Variants in LAMA2 observed in about 807,000 individuals in gnomAD.
LAMA2 encodes the protein laminin subunit alpha 2.
In LAMA2, 269 loss-of-function variants were observed where a neutral mutation model predicts 364.8. That is an observed-to-expected ratio of 0.74 (90% confidence interval 0.67 to 0.82). The LOEUF (loss-of-function observed/expected upper bound fraction) is 0.82, where lower values mean the gene tolerates loss of function less well. Among genes scored for constraint, LAMA2 ranks in the 40% least tolerant of loss-of-function variants. The pLI is 0.00. For missense variants in LAMA2, 3,807 were observed against 3,873.2 expected (o/e 0.98, Z 0.45); for synonymous variants, 1,379 against 1,370.6 (o/e 1.01, Z -0.14).
At chr6:129,116,112 A>C (rs574957409) in intron 4 of LAMA2, among the ~76,000 whole-genome samples, 2 of 152,274 alleles carry the variant, frequency 1.3e-5, no homozygotes, top group African/African-American at 4.8e-5. Flanking sequence ...GACTAATGAC[A>C]TTATAAAAGC....
At chr6:128,990,520 T>C (rs1286894202) in intron 1 of LAMA2, among the ~76,000 whole-genome samples, 1 of 152,208 alleles carries the variant, frequency 6.6e-6, no homozygotes, top group Admixed American at 6.5e-5. Context: ...ATGGAAGCTC[T>C]TGGGTCACCA....
chr6:129,180,617 T>C (rs1478793), intron 10 of LAMA2, among the ~76,000 whole-genome samples: 49,469 of 151,994 alleles, frequency 0.33, 11,109 homozygotes, highest in African/African-American at 0.65. Flanking sequence ...GGCTGTATTA[T>C]TTTTCCTGTG....
At chr6:129,278,289 A>G (rs1215802910) in intron 17 of LAMA2, among the ~76,000 whole-genome samples, 1 of 152,226 alleles carries the variant, frequency 6.6e-6, no homozygotes, top group Non-Finnish European at 1.5e-5. Context: ...ATTTAGGATT[A>G]TAAAAAACAA....
chr6:129,461,104 C>A (rs1013617193), intron 49 of LAMA2, among the ~76,000 whole-genome samples: 2 of 151,984 alleles, frequency 1.3e-5, no homozygotes, highest in African/African-American at 2.4e-5. Context: ...CCACTTATCA[C>A]CCAAGCCTAA....
intron 4 of LAMA2, among the ~76,000 whole-genome samples, chr6:129,102,152 C>T (rs1374907189): frequency 1.4e-5 from 2 of 140,226 alleles, no homozygotes; most frequent in African/African-American, 5.4e-5. Flanking sequence ...TTTTTGAGAC[C>T]GAGTCTCGCT....
At chr6:129,506,503 T>C (rs1786086276) in intron 61 of LAMA2, among the ~76,000 whole-genome samples, 1 of 152,168 alleles carries the variant, frequency 6.6e-6, no homozygotes, top group South Asian at 2.1e-4. Flanking sequence ...GTGCAGTAGT[T>C]ACAGTACAGT....
chr6:129,513,490 C>T (rs182599980), intron 63 of LAMA2, among the ~76,000 whole-genome samples: 2 of 152,280 alleles, frequency 1.3e-5, no homozygotes, highest in Non-Finnish European at 1.5e-5. Context: ...GTTATGCAAA[C>T]TCCACCCAAT....
At chr6:129,507,148 C>T (rs1381499475) in intron 61 of LAMA2, among the ~76,000 whole-genome samples, 1 of 151,084 alleles carries the variant, frequency 6.6e-6, no homozygotes, top group African/African-American at 2.4e-5. Context: ...TTAATAGAAA[C>T]ATAAAATCAG....
chr6:128,923,671 T>C (rs969609883), intron 1 of LAMA2, among the ~76,000 whole-genome samples: 9 of 152,214 alleles, frequency 5.9e-5, no homozygotes, highest in African/African-American at 2.2e-4. Context: ...TGCTAATTCC[T>C]ATAAGAACAC....
At chr6:129,210,911 G>C (rs1783060397) in intron 12 of LAMA2, among the ~76,000 whole-genome samples, 1 of 152,068 alleles carries the variant, frequency 6.6e-6, no homozygotes, top group African/African-American at 2.4e-5. Flanking sequence ...AGAAGGTAGG[G>C]CTGGTGCTTG....
chr6:129,334,364 A>G (rs1775826912), intron 29 of LAMA2, among the ~76,000 whole-genome samples: 1 of 152,206 alleles, frequency 6.6e-6, no homozygotes, highest in Admixed American at 6.5e-5. Context: ...TAATGAAAAC[A>G]ATAATAGTGG....
chr6:129,104,757 G>T (rs1231703897), intron 4 of LAMA2, among the ~76,000 whole-genome samples: 2 of 152,056 alleles, frequency 1.3e-5, no homozygotes, highest in African/African-American at 4.8e-5. Context: ...TTCATGGTTT[G>T]GTTTGGCCCC....
At chr6:129,479,988 GAT>G (rs1784271325) in intron 54 of LAMA2, 1 of 152,148 alleles carries the variant, frequency 6.6e-6, no homozygotes, top group East Asian at 1.9e-4. Flanking sequence ...ACATTCAAAA[GAT>G]ATATACATGA....
intron 4 of LAMA2, among the ~76,000 whole-genome samples, chr6:129,130,856 G>A (rs1358363089): frequency 1.3e-5 from 2 of 152,142 alleles, no homozygotes; most frequent in Admixed American, 1.3e-4. Flanking sequence ...TTGGAAATAA[G>A]ATAATGGGAG....
chr6:129,061,316 C>T (rs1230004228), intron 3 of LAMA2, among the ~76,000 whole-genome samples: 1 of 152,130 alleles, frequency 6.6e-6, no homozygotes, highest in Non-Finnish European at 1.5e-5. Context: ...CTTTATTGTT[C>T]TGGTTTATTC....
At chr6:129,332,876 G>C (rs1775734745) in intron 29 of LAMA2, among the ~76,000 whole-genome samples, 1 of 127,780 alleles carries the variant, frequency 7.8e-6, no homozygotes, top group African/African-American at 2.9e-5. Context: ...TTATTGTTAA[G>C]TTTACCATTT....
chr6:129,253,680 C>T (rs563370944), intron 14 of LAMA2, among the ~76,000 whole-genome samples: 2 of 152,130 alleles, frequency 1.3e-5, no homozygotes, highest in South Asian at 2.1e-4. Context: ...ACCAAATTGA[C>T]AAAAAAAGTG....
chr6:129,375,733 C>T (rs1185193361), intron 34 of LAMA2, among the ~76,000 whole-genome samples: 1 of 152,294 alleles, frequency 6.6e-6, no homozygotes, highest in East Asian at 1.9e-4. Flanking sequence ...TTGCCATGTA[C>T]AAGCTGTTAA....
At chr6:128,887,670 A>C (rs973446813) in intron 1 of LAMA2, among the ~76,000 whole-genome samples, 8 of 152,028 alleles carry the variant, frequency 5.3e-5, no homozygotes, top group Non-Finnish European at 7.4e-5. Context: ...GGAGTTCAAG[A>C]CCAGCCTGAC....
Sources: allele counts gnomAD v4.1 joint callset (sites outside exome capture counted in the v4.1 genomes callset), GRCh38; gene constraint gnomAD v4.1.1; transcripts MANE v1.5; gene names NCBI Gene and HGNC (gene_info 2026-07-23, HGNC 2026-07-21).